ADCY3: variants seen among roughly 807,000 people sequenced by gnomAD.
The protein encoded by ADCY3 is adenylate cyclase type 3.
In ADCY3, 70 loss-of-function variants were observed where a neutral mutation model predicts 119.4. The observed-to-expected ratio is 0.59, with a 90% CI of 0.48 to 0.72. ADCY3 has a LOEUF of 0.72. Ranked by LOEUF, ADCY3 falls within the 30% of genes least tolerant of loss-of-function variation. The probability of loss-of-function intolerance (pLI) is 0.00; values close to 1 mark genes in which losing one functional copy is unlikely to be tolerated. For missense variants in ADCY3, 1,238 were observed against 1,541.6 expected (o/e 0.80, Z 3.30); for synonymous variants, 672 against 621.4 (o/e 1.08, Z -1.21).
chr2:24,857,691 G>A (rs2148702055), intron 3 of ADCY3, among the ~76,000 whole-genome samples: 1 of 152,326 alleles, frequency 6.6e-6, no homozygotes, highest in African/African-American at 2.4e-5. Flanking sequence ...TGAGAAGGAT[G>A]CGGAGGGTTC....
intron 11 of ADCY3, 144 bp from the exon 12 acceptor site, chr2:24,831,893 GCAGGGGACAGCGGA>G (rs1407004978): frequency 4.3e-6 from 1 of 231,380 alleles, no homozygotes; most frequent in African/African-American, 3.9e-5. Context: ...GGGCCAGGGG[GCAGGGGACAGCGGA>G]CAGGGGCCAG....
At chr2:24,859,114 G>GA (rs1312112812) in intron 3 of ADCY3, among the ~76,000 whole-genome samples, 4 of 152,196 alleles carry the variant, frequency 2.6e-5, no homozygotes, top group African/African-American at 9.7e-5. Flanking sequence ...AAAAATATTA[G>GA]ATATCTTTGT....
At chr2:24,892,957 C>T (rs1450342483) in intron 2 of ADCY3, among the ~76,000 whole-genome samples, 4 of 152,018 alleles carry the variant, frequency 2.6e-5, no homozygotes, top group Non-Finnish European at 5.9e-5. Context: ...AGCCACCACA[C>T]CTGGCCTATT....
intron 17 of ADCY3, 33 bp from the exon 18 acceptor site, chr2:24,823,388 A>G: frequency 6.2e-7 from 1 of 1,601,022 alleles, no homozygotes; most frequent in South Asian, 1.1e-5. Flanking sequence ...TGCTCAAAGC[A>G]TGTCCGACTG....
In ADCY3 at chr2:24,828,042, G is replaced by A. The variant is rs1354658198; in HGVS notation, c.2292C>T (p.Ala764=). Residue 764 remains alanine, a synonymous_variant, in exon 14 of 22, where the codon GCC becomes GCT. Coordinates refer to ENST00000679454, the MANE Select transcript of ADCY3 (RefSeq NM_004036.5). The part of the protein sequence containing the change: ...YNYVAVLSLI[A]TIMLVQVSHM... ...GGCTGACCTGCACCAGCATGATGGT[G>A]GCGATGAGGGACAGCACGGCCACAT... 1 of 1,614,270 alleles carries A rather than the reference G, an allele frequency of 6.2e-7. No homozygotes were observed. The highest frequency in any genetic ancestry group is 8.5e-7 in the Non-Finnish European group (1 of 1,180,046).
chr2:24,820,050 A>T lies in ADCY3; in HGVS notation c.3317T>A (p.Ile1106Asn). ...CAGCTCCCCCTTCCCCTTCACAAAG[A>T]TGGGGCCTCGCCTCACAAAGCGGAA... ...YGFRFVRRGP[I>N]FVKGKGELLT... Residue 1106 changes from isoleucine (I) to asparagine (N), a missense_variant, in exon 22 of 22, where the codon ATC becomes AAC. Physicochemically the swap from Ile to Asn is moderately radical, Grantham distance 149. Coordinates refer to ENST00000679454, the MANE Select transcript of ADCY3 (RefSeq NM_004036.5). The T allele has an allele frequency of 1.2e-6, 2 of 1,602,832 alleles. No homozygotes were observed. The highest frequency in any genetic ancestry group is 1.7e-6 in the Non-Finnish European group (2 of 1,174,988).
intron 3 of ADCY3, among the ~76,000 whole-genome samples, chr2:24,861,833 C>A (rs184438405): frequency 6.6e-6 from 1 of 152,360 alleles, no homozygotes; most frequent in Admixed American, 6.5e-5. Context: ...CAGCCGGTGC[C>A]TCCCCAGGGG....
chr2:24,905,176 C>T (rs1239967380), intron 2 of ADCY3, among the ~76,000 whole-genome samples: 1 of 151,300 alleles, frequency 6.6e-6, no homozygotes, highest in Non-Finnish European at 1.5e-5. Flanking sequence ...TTCTGTCTCC[C>T]AGGCTGGAGT....
intron 2 of ADCY3, among the ~76,000 whole-genome samples, chr2:24,884,418 T>C (rs1676765161): frequency 1.3e-5 from 2 of 151,988 alleles, no homozygotes; most frequent in South Asian, 2.1e-4. Context: ...CATCTTCCTA[T>C]GCCTATCCCC....
At chr2:24,910,915 G>A (rs1355537805) in intron 2 of ADCY3, among the ~76,000 whole-genome samples, 6 of 152,082 alleles carry the variant, frequency 3.9e-5, no homozygotes, top group African/African-American at 9.7e-5. Flanking sequence ...AAAGTGCCGG[G>A]ATTACAGGTG....
intron 2 of ADCY3, among the ~76,000 whole-genome samples, chr2:24,909,246 G>A (rs1446667965): frequency 1.3e-5 from 2 of 152,094 alleles, no homozygotes; most frequent in African/African-American, 2.4e-5. Flanking sequence ...GCACCATGTC[G>A]ACTTCATTCA....
intron 2 of ADCY3, among the ~76,000 whole-genome samples, chr2:24,883,076 G>A (rs1010178145): frequency 6.6e-6 from 1 of 151,124 alleles, no homozygotes; most frequent in Non-Finnish European, 1.5e-5. Context: ...AGGGCCAGGC[G>A]CGGTGGCTCA....
rs1359873828 is a variant in ADCY3 at position 24,842,449 on chromosome 2, C to T, written c.826-65G>A. 4.1e-5 allele frequency: 65 copies of T among 1,600,526 alleles called. No individual in the cohort carries two copies. The highest frequency in any genetic ancestry group is 5.5e-5 in the Non-Finnish European group (64 of 1,171,512). On this transcript the variant is annotated intron_variant, in intron 3 of 21. Coordinates refer to ENST00000679454, the MANE Select transcript of ADCY3 (RefSeq NM_004036.5). The surrounding 1 kb of genome is among the most constrained non-coding windows in gnomAD (Gnocchi z 4.9). ...CTGCTAGAGGCAAGTTCAGATACTT[C>T]TGGGAAGAAATGCCCCGATCCTGGC...
rs1204537111 is a variant in ADCY3 at position 24,918,520 on chromosome 2, G to A, written c.468C>T (p.Gly156=). Residue 156 remains glycine, a synonymous_variant, in exon 2 of 22, where the codon GGC becomes GGT. Transcript: ENST00000679454. This position sits in a 1 kb window ranked among gnomAD's most constrained non-coding sequence, Gnocchi z 5.4. ...CCGCGTGGGCACGCGCGAAGTTCAGGCCCAGGTAGGAGAAGATCTGGGCGG... is the reference window on the plus strand; with the variant it reads ...CCGCGTGGGCACGCGCGAAGTTCAGACCCAGGTAGGAGAAGATCTGGGCGG... The part of the protein sequence containing the change: ...LITAQIFSYL[G]LNFARAHAAS... 1 of 1,613,998 alleles carries A rather than the reference G, an allele frequency of 6.2e-7. No individual in the cohort carries two copies.
At chr2:24,870,321 C>CAAA (rs34685288) in intron 3 of ADCY3, among the ~76,000 whole-genome samples, 15 of 87,276 alleles carry the variant, frequency 1.7e-4, no homozygotes, top group African/African-American at 4.4e-4. Context: ...GACTCCATGT[C>CAAA]AAAAAAAAAA....
chr2:24,822,334 C>CTTT (rs1667893490), intron 19 of ADCY3, 177 bp downstream of exon 19: 1 of 894,906 alleles, frequency 1.1e-6, no homozygotes, highest in African/African-American at 1.7e-5. Context: ...TTCTGTTTCT[C>CTTT]TGCTTGCCGA....
chr2:24,831,080 CGTG>C (rs957704868), intron 12 of ADCY3, among the ~76,000 whole-genome samples: 4 of 152,132 alleles, frequency 2.6e-5, no homozygotes, highest in Non-Finnish European at 4.4e-5. Context: ...CCACAGCAGA[CGTG>C]GTGACGAGGT....
intron 3 of ADCY3, among the ~76,000 whole-genome samples, chr2:24,859,357 A>G (rs1476722531): frequency 2.6e-5 from 4 of 152,138 alleles, no homozygotes; most frequent in African/African-American, 7.2e-5. Context: ...TCCCACTCTT[A>G]GTGGTCCCCC....
chr2:24,819,809 TGAG>T lies in ADCY3; in HGVS notation c.*120_*122del, dbSNP rs1475086530. On this transcript the variant is annotated 3_prime_UTR_variant, in exon 22 of 22. Coordinates refer to ENST00000679454, the MANE Select transcript of ADCY3 (RefSeq NM_004036.5). ...CACACATCCACGAACAAATGAAGGCTGAGGAGGTTTCTAAACCTAAAGTCCATG... is the reference window on the plus strand; with the variant it reads ...CACACATCCACGAACAAATGAAGGCTGAGGTTTCTAAACCTAAAGTCCATG... 5.5e-5 allele frequency: 57 copies of T among 1,029,906 alleles called. No individual in the cohort carries two copies. The Middle Eastern group carries it at 1.2e-3, about 21-fold the overall frequency. The allele number at this position is 1,029,906 out of a possible 1,614,324, so 63.8% of individuals were successfully genotyped here.
Sources: allele counts gnomAD v4.1 joint callset (sites outside exome capture counted in the v4.1 genomes callset), GRCh38; gene constraint gnomAD v4.1.1; non-coding constraint Gnocchi (gnomAD v3.1); transcripts MANE v1.5; gene names NCBI Gene and HGNC (gene_info 2026-07-23, HGNC 2026-07-21).